Variants in PLCXD3 observed in about 807,000 individuals in gnomAD.
PLCXD3 encodes the protein PI-PLC X domain-containing protein 3.
PLCXD3 carries 19 observed loss-of-function variants against 25.5 expected under a neutral mutation model. The observed-to-expected ratio is 0.75, with a 90% CI of 0.52 to 1.09. PLCXD3 has a LOEUF of 1.09. PLCXD3 is among the 50% of genes least tolerant of loss of function. The pLI is 0.00. For missense variants in PLCXD3, 411 were observed against 388.1 expected (o/e 1.06, Z -0.50); for synonymous variants, 174 against 137.6 (o/e 1.26, Z -1.85).
intron 1 of PLCXD3, among the ~76,000 whole-genome samples, chr5:41,437,814 T>C (rs2150510687): frequency 6.6e-6 from 1 of 152,272 alleles, no homozygotes; most frequent in South Asian, 2.1e-4. Context: ...TCTACAGATC[T>C]CTTTGGTATG....
chr5:41,490,176 G>T (rs946675340), intron 1 of PLCXD3, among the ~76,000 whole-genome samples: 3 of 152,136 alleles, frequency 2.0e-5, no homozygotes, highest in Non-Finnish European at 4.4e-5. Flanking sequence ...GGCCTTTTCT[G>T]CATCTATTGA....
chr5:41,372,618 G>T (rs1745137334), intron 2 of PLCXD3, among the ~76,000 whole-genome samples: 1 of 151,978 alleles, frequency 6.6e-6, no homozygotes. Context: ...TCCCTCCTCT[G>T]TCATACAGTC....
chr5:41,453,633 G>A (rs1313305247), intron 1 of PLCXD3, among the ~76,000 whole-genome samples: 1 of 151,978 alleles, frequency 6.6e-6, no homozygotes, highest in African/African-American at 2.4e-5. Flanking sequence ...AAATAAAATA[G>A]TTACTTATGT....
chr5:41,328,044 A>G (rs971110729), intron 2 of PLCXD3, among the ~76,000 whole-genome samples: 1 of 152,124 alleles, frequency 6.6e-6, no homozygotes, highest in African/African-American at 2.4e-5. Flanking sequence ...GAATCATTTC[A>G]AGATAAATGA....
At chr5:41,475,640 T>C (rs935332231) in intron 1 of PLCXD3, 2 of 534,714 alleles carry the variant, frequency 3.7e-6, no homozygotes, top group Non-Finnish European at 3.8e-6. Flanking sequence ...CTGATGTCCC[T>C]GTTTGTCCCT....
At chr5:41,498,364 G>A (rs997773211) in intron 1 of PLCXD3, among the ~76,000 whole-genome samples, 2 of 151,198 alleles carry the variant, frequency 1.3e-5, no homozygotes, top group Middle Eastern at 3.2e-3. Flanking sequence ...TCCACATAAA[G>A]GATTATAAGA....
intron 1 of PLCXD3, among the ~76,000 whole-genome samples, chr5:41,482,576 T>C (rs1212118861): frequency 6.6e-6 from 1 of 152,142 alleles, no homozygotes; most frequent in Non-Finnish European, 1.5e-5. Flanking sequence ...CTTTAATCAG[T>C]GAAACCATGA....
intron 1 of PLCXD3, among the ~76,000 whole-genome samples, chr5:41,490,288 C>T (rs986963314): frequency 3.9e-5 from 6 of 152,314 alleles, no homozygotes; most frequent in Admixed American, 2.0e-4. Context: ...ATGAAGCCCA[C>T]TTGATCATGG....
At chr5:41,467,516 GTTAT>G (rs1338300889) in intron 1 of PLCXD3, among the ~76,000 whole-genome samples, 1 of 152,038 alleles carries the variant, frequency 6.6e-6, no homozygotes, top group Non-Finnish European at 1.5e-5. Context: ...ACTTCACTTT[GTTAT>G]TTGTTTCCTC....
intron 2 of PLCXD3, among the ~76,000 whole-genome samples, chr5:41,352,741 G>A (rs1174059213): frequency 6.6e-6 from 1 of 151,994 alleles, no homozygotes; most frequent in Admixed American, 6.6e-5. Flanking sequence ...CTTTGTTCAG[G>A]GAGACAAATG....
intron 2 of PLCXD3, among the ~76,000 whole-genome samples, chr5:41,315,469 G>GGT (rs2150467612): frequency 6.6e-6 from 1 of 151,616 alleles, no homozygotes. Flanking sequence ...CAACTGAATT[G>GGT]GGAGGCTGAG....
chr5:41,316,509 T>G (rs1211799080), intron 2 of PLCXD3, among the ~76,000 whole-genome samples: 1 of 152,150 alleles, frequency 6.6e-6, no homozygotes, highest in Admixed American at 6.5e-5. Context: ...GTCTTGCACC[T>G]TTGGTACCAA....
chr5:41,352,611 C>T (rs1051173062), intron 2 of PLCXD3, among the ~76,000 whole-genome samples: 2 of 152,110 alleles, frequency 1.3e-5, no homozygotes, highest in African/African-American at 4.8e-5. Context: ...TTACATAAAC[C>T]ACCTTTCTCT....
rs890636399 is a variant in PLCXD3 at position 41,308,246 on chromosome 5, A to G, written c.*5371T>C. On this transcript the variant is annotated 3_prime_UTR_variant, in exon 3 of 3. Coordinates refer to ENST00000377801, the MANE Select transcript of PLCXD3 (RefSeq NM_001005473.3). The stretch of plus-strand genomic sequence containing the variant: ...TTGTGAGATTTAGGAAAAAATATAT[A>G]GGACATACCCAGTTACATTTGAATT... The G allele has an allele frequency of 5.9e-5, 9 of 152,302 alleles. No homozygotes were observed. The highest frequency in any genetic ancestry group is 3.9e-4 in the Admixed American group (6 of 15,292). The allele number at this position is 152,302 out of a possible 1,614,324, so 9.4% of individuals were successfully genotyped here.
intron 1 of PLCXD3, among the ~76,000 whole-genome samples, chr5:41,468,358 G>C (rs1275194402): frequency 6.6e-6 from 1 of 151,890 alleles, no homozygotes; most frequent in East Asian, 1.9e-4. Context: ...TGGCTATATG[G>C]GTTTTTTTGT....
Position 41,371,542 on chromosome 5 carries a change from C to A in PLCXD3, c.812+10284G>T, listed in dbSNP as rs1318608547. 2.0e-5 allele frequency among the ~76,000 whole-genome samples: 3 copies of A among 152,072 alleles called. No individual in the cohort carries two copies. In the East Asian group the frequency reaches 5.8e-4, roughly 29 times the overall value. ...TGACAGCATCTGATCTACAGCAAAC[C>A]CCTGCTTCCTTAGACCCTTCCTCAA... On this transcript the variant is annotated intron_variant, in intron 2 of 2. Transcript: ENST00000377801.
rs950416548 is a variant in PLCXD3 at position 41,308,739 on chromosome 5, T to A, written c.*4878A>T. On this transcript the variant is annotated 3_prime_UTR_variant, in exon 3 of 3. Transcript: ENST00000377801. Reference sequence around the variant, plus strand: ...AAGTAATGGTTTGGAGAAACAATTTTTCATGGAAAATTTATCATTAAAGAA... The same window carrying A: ...AAGTAATGGTTTGGAGAAACAATTTATCATGGAAAATTTATCATTAAAGAA... 2 of 152,128 alleles carry A rather than the reference T, an allele frequency of 1.3e-5. No homozygotes were observed. The highest frequency in any genetic ancestry group is 4.8e-5 in the African/African-American group (2 of 41,450). The allele number at this position is 152,128 out of a possible 1,614,324, so 9.4% of individuals were successfully genotyped here.
intron 1 of PLCXD3, among the ~76,000 whole-genome samples, chr5:41,408,009 A>G (rs1746402627): frequency 6.6e-6 from 1 of 152,192 alleles, no homozygotes; most frequent in African/African-American, 2.4e-5. Context: ...TTCAGTATTC[A>G]TCACAATTTT....
intron 1 of PLCXD3, among the ~76,000 whole-genome samples, chr5:41,399,991 A>G (rs908123901): frequency 1.3e-5 from 2 of 152,164 alleles, no homozygotes; most frequent in South Asian, 2.1e-4. Flanking sequence ...ACAGCTGTAT[A>G]GGAATAAAGC....
Sources: gnomAD v4.1 joint callset for allele counts (sites outside exome capture counted in the v4.1 genomes callset) on GRCh38, gnomAD v4.1.1 for gene constraint, MANE v1.5 for transcripts, NCBI Gene and HGNC (gene_info 2026-07-23, HGNC 2026-07-21) for gene names.